Variants in CBX3 observed in about 807,000 individuals in gnomAD.
CBX3 encodes the protein chromobox 3.
CBX3 carries 5 observed loss-of-function variants against 22.6 expected under a neutral mutation model. The observed-to-expected ratio is 0.22, with a 90% CI of 0.12 to 0.47. The LOEUF (loss-of-function observed/expected upper bound fraction) is 0.47, where lower values mean the gene tolerates loss of function less well. Ranked by LOEUF, CBX3 falls within the 20% of genes least tolerant of loss-of-function variation. The pLI is 0.99. For synonymous variants in CBX3, 50 were observed against 66.6 expected, an observed-to-expected ratio of 0.75 and a Z score of 1.21; for missense variants, 83 against 208.1, an observed-to-expected ratio of 0.40 and a Z score of 3.70.
intron 1 of CBX3, chr7:26,202,650 G>A (rs1784563955): frequency 3.4e-6 from 1 of 295,098 alleles, no homozygotes; most frequent in Non-Finnish European, 6.3e-6. Context: ...TAAACCGAAA[G>A]GATTGTCCTT....
chr7:26,211,590 T>C, intron 4 of CBX3, 72 bp from the exon 5 acceptor site: 2 of 947,138 alleles, frequency 2.1e-6, no homozygotes. Flanking sequence ...TTGGAATGTT[T>C]TTATTTAAAA....
chr7:26,204,995 G>T (rs1784642046), intron 2 of CBX3, among the ~76,000 whole-genome samples: 2 of 152,002 alleles, frequency 1.3e-5, no homozygotes, highest in Non-Finnish European at 2.9e-5. Context: ...CTCCATGTTG[G>T]TCAGGCTGGT....
At chr7:26,211,917 G>C (rs1441152616) in intron 5 of CBX3, among the ~76,000 whole-genome samples, 161 bp downstream of exon 5, 1 of 151,984 alleles carries the variant, frequency 6.6e-6, no homozygotes, top group Non-Finnish European at 1.5e-5. Flanking sequence ...AGCAAACTGT[G>C]GCCTGTTTTG....
chr7:26,211,203 C>A (rs796848283), intron 4 of CBX3, among the ~76,000 whole-genome samples: 15 of 152,152 alleles, frequency 9.9e-5, no homozygotes, highest in African/African-American at 3.6e-4. Flanking sequence ...CATTTACTAT[C>A]ATTTAGAATG....
chr7:26,207,874 C>A (rs1385682563), intron 3 of CBX3, among the ~76,000 whole-genome samples: 2 of 151,574 alleles, frequency 1.3e-5, no homozygotes, highest in African/African-American at 4.9e-5. Flanking sequence ...TGTCCTCTAC[C>A]CAGTAATTTG....
intron 4 of CBX3, among the ~76,000 whole-genome samples, chr7:26,211,031 G>A (rs1032472761): frequency 6.7e-6 from 1 of 149,160 alleles, no homozygotes; most frequent in Admixed American, 6.7e-5. Context: ...GAGAATTGTC[G>A]AGGGCTACAC....
intron 2 of CBX3, 31 bp downstream of exon 2, chr7:26,203,053 G>C (rs1562742598): frequency 6.9e-7 from 1 of 1,439,430 alleles, no homozygotes. Context: ...AATATGTAAG[G>C]ATTTAACTCA....
chr7:26,201,846 T>C lies in CBX3; in HGVS notation c.-29+20T>C, dbSNP rs1784470083. 9.9e-6 allele frequency: 1 copy of C among 101,144 alleles called. No homozygotes were observed. The highest frequency in any genetic ancestry group is 3.5e-5 in the African/African-American group (1 of 28,624). The allele number at this position is 101,144 out of a possible 1,614,324, so 6.3% of individuals were successfully genotyped here. ...GGTGAAGTCGGTGGCTTTCCTTCTC[T>C]CTAGCTCTCGCTCGCTGGTGGTGCT... On this transcript the variant is annotated intron_variant, in intron 1 of 5. Coordinates refer to ENST00000396386, the MANE Select transcript of CBX3 (RefSeq NM_016587.4).
intron 4 of CBX3, 43 bp downstream of exon 4, chr7:26,208,598 G>GGACAA: frequency 6.6e-7 from 1 of 1,523,902 alleles, no homozygotes; most frequent in Non-Finnish European, 8.9e-7. Flanking sequence ...TTTTGTAAAA[G>GGACAA]GTTGATGGCT....
At chr7:26,206,835 A>G (rs1415685015) in intron 3 of CBX3, among the ~76,000 whole-genome samples, 3 of 152,214 alleles carry the variant, frequency 2.0e-5, no homozygotes, top group African/African-American at 7.2e-5. Context: ...TCCTCCACAC[A>G]GAGGGTGCTA....
intron 3 of CBX3, chr7:26,208,009 A>G (rs1384961349): frequency 6.5e-6 from 1 of 154,220 alleles, no homozygotes; most frequent in Non-Finnish European, 1.4e-5. Context: ...CCAGGAATTC[A>G]AGACCAGCCT....
At chr7:26,206,845 A>G (rs185328561) in intron 3 of CBX3, among the ~76,000 whole-genome samples, 72 of 152,340 alleles carry the variant, frequency 4.7e-4, no homozygotes, top group African/African-American at 1.7e-3. Context: ...AGAGGGTGCT[A>G]AAAACATTGA....
chr7:26,210,148 C>G (rs1205717215), intron 4 of CBX3: 1 of 152,004 alleles, frequency 6.6e-6, no homozygotes, highest in Non-Finnish European at 1.5e-5. Context: ...AAAGAATCAG[C>G]AAGACGTGGT....
chr7:26,212,010 C>CT, intron 5 of CBX3, 72 bp from the exon 6 acceptor site: 1 of 1,348,764 alleles, frequency 7.4e-7, no homozygotes, highest in African/African-American at 1.5e-5. Flanking sequence ...ACTATTATTT[C>CT]TTAAATGAAT....
chr7:26,208,048 TAA>T (rs571628520), intron 3 of CBX3: 76 of 142,440 alleles, frequency 5.3e-4, no homozygotes, highest in East Asian at 1.4e-3. Flanking sequence ...CCTTCTCTAT[TAA>T]AAAAAAAAAA....
At chr7:26,203,428 C>T (rs996153362) in intron 2 of CBX3, among the ~76,000 whole-genome samples, 2 of 152,114 alleles carry the variant, frequency 1.3e-5, no homozygotes, top group African/African-American at 4.8e-5. Context: ...AACAAGGTAC[C>T]TTGTGCACCT....
chr7:26,207,475 A>G (rs1252782607), intron 3 of CBX3, among the ~76,000 whole-genome samples: 1 of 152,176 alleles, frequency 6.6e-6, no homozygotes, highest in East Asian at 1.9e-4. Flanking sequence ...TAGCATGATT[A>G]TAGCGTACTT....
At chr7:26,203,967 A>C (rs1214324602) in intron 2 of CBX3, among the ~76,000 whole-genome samples, 1 of 152,150 alleles carries the variant, frequency 6.6e-6, no homozygotes, top group Non-Finnish European at 1.5e-5. Context: ...GGGGTCTGTT[A>C]TTGTATTTAG....
intron 4 of CBX3, among the ~76,000 whole-genome samples, chr7:26,211,060 C>A (rs2128138655): frequency 6.8e-6 from 1 of 147,160 alleles, no homozygotes; most frequent in East Asian, 2.0e-4. Flanking sequence ...GACTTAATAC[C>A]AACCATAGCT....
Sources: allele counts gnomAD v4.1 joint callset (sites outside exome capture counted in the v4.1 genomes callset), GRCh38; gene constraint gnomAD v4.1.1; transcripts MANE v1.5; gene names NCBI Gene and HGNC (gene_info 2026-07-23, HGNC 2026-07-21).